The following FUT8 variants were observed in gnomAD, a reference collection of about 807,000 sequenced individuals.
FUT8 encodes the protein fucosyltransferase 8, also known as alpha-(1,6)-fucosyltransferase.
In FUT8, 29 loss-of-function variants were observed where a neutral mutation model predicts 71.3. That is an observed-to-expected ratio of 0.41 (90% confidence interval 0.30 to 0.55). The LOEUF is 0.55. Ranked by LOEUF, FUT8 falls within the 20% of genes least tolerant of loss-of-function variation. The pLI is 0.34. For synonymous variants in FUT8, 254 were observed against 239.3 expected (o/e 1.06, Z -0.57); for missense variants, 544 against 702.1 (o/e 0.77, Z 2.55).
intron 7 of FUT8, among the ~76,000 whole-genome samples, chr14:65,707,033 A>C (rs1439730663): frequency 6.6e-6 from 1 of 152,156 alleles, no homozygotes; most frequent in Admixed American, 6.6e-5. Context: ...TCTTGATGGA[A>C]TGGCAGGGCT....
intron 1 of FUT8, among the ~76,000 whole-genome samples, chr14:65,436,055 C>A (rs182849415): frequency 6.6e-6 from 1 of 151,668 alleles, no homozygotes; most frequent in Non-Finnish European, 1.5e-5. Context: ...CTCAGTCTCC[C>A]GAGAAGCTGG....
intron 3 of FUT8, among the ~76,000 whole-genome samples, chr14:65,566,592 C>T (rs890300172): frequency 1.3e-5 from 2 of 151,910 alleles, no homozygotes; most frequent in African/African-American, 4.8e-5. Flanking sequence ...GGATTTGGTG[C>T]ATGTGCCAGA....
At chr14:65,439,954 G>GTGTACGTA in intron 1 of FUT8, among the ~76,000 whole-genome samples, 1,281 of 74,954 alleles carry the variant, frequency 0.017, 164 homozygotes, top group Middle Eastern at 0.066. Flanking sequence ...GTGTGTGTGT[G>GTGTACGTA]TATATATATA....
intron 6 of FUT8, among the ~76,000 whole-genome samples, chr14:65,666,565 A>G (rs1279035434): frequency 2.6e-5 from 4 of 152,124 alleles, no homozygotes. Context: ...GAAAAGTCCC[A>G]GGACCAGATA....
At chr14:65,656,936 A>G (rs917680029) in intron 6 of FUT8, among the ~76,000 whole-genome samples, 3 of 152,216 alleles carry the variant, frequency 2.0e-5, no homozygotes, top group Non-Finnish European at 4.4e-5. Flanking sequence ...GTGCTGGGAA[A>G]ACTGGATATC....
chr14:65,627,619 G>A lies in FUT8; in HGVS notation c.483-1873G>A, dbSNP rs2140256765. 6.6e-6 allele frequency among the ~76,000 whole-genome samples: 1 copy of A among 152,328 alleles called. No individual in the cohort carries two copies. The highest frequency in any genetic ancestry group is 3.4e-3 in the Middle Eastern group (1 of 294). ...ACTTGGGAGGGATCGCATATGCAGTGTGTTTACTGAAGTTGTGCACATGCT... is the reference window on the plus strand; with the variant it reads ...ACTTGGGAGGGATCGCATATGCAGTATGTTTACTGAAGTTGTGCACATGCT... On this transcript the variant is annotated intron_variant, in intron 5 of 10. Coordinates refer to ENST00000673929, the MANE Select transcript of FUT8 (RefSeq NM_001371533.1). The surrounding 1 kb of genome is among the most constrained non-coding windows in gnomAD (Gnocchi z 4.0).
chr14:65,634,577 A>G (rs28820005), intron 6 of FUT8, among the ~76,000 whole-genome samples: 11,073 of 150,764 alleles, frequency 0.073, 813 homozygotes, highest in African/African-American at 0.19. Flanking sequence ...AAAAAAAAAA[A>G]AAAAGAAAAG....
chr14:65,680,880 A>G (rs1312108091), intron 7 of FUT8, among the ~76,000 whole-genome samples: 1 of 152,184 alleles, frequency 6.6e-6, no homozygotes, highest in East Asian at 1.9e-4. Context: ...GCTCCTTCAC[A>G]TAAACAGCCT....
At chr14:65,727,347 A>G (rs145580503) in intron 9 of FUT8, among the ~76,000 whole-genome samples, 1 of 152,300 alleles carries the variant, frequency 6.6e-6, no homozygotes, top group East Asian at 1.9e-4. Flanking sequence ...CTGGGCATCC[A>G]GGTGTTTTTA....
chr14:65,467,981 AT>A lies in FUT8; in HGVS notation c.-228+12267del. On this transcript the variant is annotated intron_variant, in intron 2 of 10. Coordinates refer to ENST00000673929, the MANE Select transcript of FUT8 (RefSeq NM_001371533.1). The surrounding 1 kb of genome is among the most constrained non-coding windows in gnomAD (Gnocchi z 4.1). ...TTTCCTTTACGTGTTTCAGGAAGCT[AT>A]TTTGGCTCTTAGAGTGCTGAATGTG... 1 of 701,720 alleles carries A rather than the reference AT, an allele frequency of 1.4e-6. No homozygotes were observed. The highest frequency in any genetic ancestry group is 2.7e-6 in the Non-Finnish European group (1 of 375,134). 43.5% of individuals were successfully genotyped at this position (701,720 alleles called of 1,614,324 possible). A position where few individuals can be genotyped will look rare whatever the true frequency, so the allele number is the denominator to read the frequency against.
chr14:65,409,095 CA>C (rs1335596399), upstream of FUT8, among the ~76,000 whole-genome samples: 3 of 152,132 alleles, frequency 2.0e-5, no homozygotes, highest in African/African-American at 7.2e-5. This position sits in a 1 kb window ranked among gnomAD's most constrained non-coding sequence, Gnocchi z 5.4. Flanking sequence ...TTTTATTTTA[CA>C]AATGAGAAAA....
chr14:65,531,891 A>C (rs112132167), intron 2 of FUT8, among the ~76,000 whole-genome samples: 1 of 152,064 alleles, frequency 6.6e-6, no homozygotes, highest in South Asian at 2.1e-4. Context: ...CTGTTCCTGC[A>C]TTAGTTTGCT....
upstream of FUT8, among the ~76,000 whole-genome samples, chr14:65,409,314 A>T (rs1219499927): frequency 5.3e-5 from 8 of 152,230 alleles, no homozygotes; most frequent in Admixed American, 5.2e-4. This position sits in a 1 kb window ranked among gnomAD's most constrained non-coding sequence, Gnocchi z 5.4. Context: ...GTTGGTAGAG[A>T]TAGAAAAATT....
intron 3 of FUT8, among the ~76,000 whole-genome samples, chr14:65,577,700 C>T (rs1268497139): frequency 6.6e-6 from 1 of 152,062 alleles, no homozygotes; most frequent in East Asian, 1.9e-4. Context: ...ATTGCTCACC[C>T]TGAGATAAAT....
In FUT8 at chr14:65,638,284, A is replaced by C. The variant is rs767729918; in HGVS notation, c.597+8678A>C. On this transcript the variant is annotated intron_variant, in intron 6 of 10. Transcript: ENST00000673929. The surrounding 1 kb of genome is among the most constrained non-coding windows in gnomAD (Gnocchi z 4.5). Reference sequence around the variant, plus strand: ...TGGTCTCAAACTTCTGAGCTCAAGCAGTCCTCCTGCCTCAGCTTCCCAAAG... The same window carrying C: ...TGGTCTCAAACTTCTGAGCTCAAGCCGTCCTCCTGCCTCAGCTTCCCAAAG... Among the ~76,000 whole-genome samples, 3 of 152,124 alleles carry C rather than the reference A, an allele frequency of 2.0e-5. No homozygotes were observed. The highest frequency in any genetic ancestry group is 2.9e-5 in the Non-Finnish European group (2 of 68,028).
chr14:65,626,804 T>C (rs565334358), intron 5 of FUT8, among the ~76,000 whole-genome samples: 1 of 152,368 alleles, frequency 6.6e-6, no homozygotes, highest in South Asian at 2.1e-4. Context: ...TCTAGATGTG[T>C]AATTTTTCTG....
Position 65,737,464 on chromosome 14 carries a change from G to A in FUT8, c.1410+4083G>A, listed in dbSNP as rs574619036. Among the ~76,000 whole-genome samples, 9 of 152,076 alleles carry A rather than the reference G, an allele frequency of 5.9e-5. No homozygotes were observed. In the South Asian group the frequency reaches 8.3e-4, roughly 14 times the overall value. ...ATCCTATTCTGTGTTACTGGAAATCGCCTATGTGCAAAGCATCTCCTTTGT... is the reference window on the plus strand; with the variant it reads ...ATCCTATTCTGTGTTACTGGAAATCACCTATGTGCAAAGCATCTCCTTTGT... On this transcript the variant is annotated intron_variant, in intron 10 of 10. Coordinates refer to ENST00000673929, the MANE Select transcript of FUT8 (RefSeq NM_001371533.1).
chr14:65,442,535 A>G (rs1015564906), intron 1 of FUT8, among the ~76,000 whole-genome samples: 18 of 151,600 alleles, frequency 1.2e-4, no homozygotes, highest in African/African-American at 4.4e-4. Flanking sequence ...ACATACATAC[A>G]TACATACATA....
chr14:65,361,840 T>TA, the FUT8 span, among the ~76,000 whole-genome samples: 5 of 146,378 alleles, frequency 3.4e-5, no homozygotes, highest in East Asian at 1.0e-3. Context: ...ATAAATAAAT[T>TA]ATAACTCCCA....
Sources: gnomAD v4.1 joint callset for allele counts (sites outside exome capture counted in the v4.1 genomes callset) on GRCh38, gnomAD v4.1.1 for gene constraint, Gnocchi (gnomAD v3.1) non-coding constraint, MANE v1.5 for transcripts, NCBI Gene and HGNC (gene_info 2026-07-23, HGNC 2026-07-21) for gene names.